FAM83G: variants seen among roughly 807,000 people sequenced by gnomAD.
FAM83G encodes scaffolding CK1 anchoring protein G, also known as protein FAM83G.
Under a neutral mutation model 61.5 loss-of-function variants are expected in FAM83G, and 38 were observed. That is an observed-to-expected ratio of 0.62 (90% CI 0.48 to 0.81). FAM83G has a LOEUF of 0.81. Ranked by LOEUF, FAM83G falls within the 30% of genes least tolerant of loss-of-function variation. The probability of loss-of-function intolerance (pLI) is 0.00; values close to 1 mark genes in which losing one functional copy is unlikely to be tolerated. For missense variants in FAM83G, 989 were observed against 1,133.6 expected (o/e 0.87, Z 1.83); for synonymous variants, 470 against 476.1 (o/e 0.99, Z 0.17).
rs144934843 is a variant in FAM83G at position 19,000,066 on chromosome 17, G to A, written c.522+3454C>T. On this transcript the variant is annotated intron_variant, in intron 2 of 5. Coordinates refer to ENST00000388995, the MANE Select transcript of FAM83G (RefSeq NM_001039999.3). This position sits in a 1 kb window ranked among gnomAD's most constrained non-coding sequence, Gnocchi z 5.2. ...TCTCAGGCTGCAGCCAAGTGAGGCC[G>A]GGGCTCGCCCCTCCCAGGCGTGATC... Among the ~76,000 whole-genome samples the A allele has an allele frequency of 2.1e-3, 327 of 152,356 alleles. 2 individuals are homozygous for A. Among genetic ancestry groups the A allele is most frequent in the African/African-American group, 7.4e-3 (306 of 41,592 alleles).
At position 18,995,039 on chromosome 17, in the gene FAM83G, A is replaced by G. The variant is rs1416439984; in HGVS notation, c.523-6625T>C. Among the ~76,000 whole-genome samples, 2 of 152,220 alleles carry G rather than the reference A, an allele frequency of 1.3e-5. 1 individual carries two copies. The highest frequency in any genetic ancestry group is 3.8e-4 in the East Asian group (2 of 5,204). ...AAGTAACCTAACTGCATCCCAGAAC[A>G]AGGCTCCAAAATATTTAAAGGAGAA... On this transcript the variant is annotated intron_variant, in intron 2 of 5. Transcript: ENST00000388995.
chr17:18,977,210 C>G (rs960544903), intron 5 of FAM83G: 38 of 642,240 alleles, frequency 5.9e-5, no homozygotes, highest in Non-Finnish European at 9.5e-5. Flanking sequence ...TGTGTGACCT[C>G]AAGGCTGTAA....
At chr17:18,986,074 C>T (rs2043262263) in intron 3 of FAM83G, 1 of 152,316 alleles carries the variant, frequency 6.6e-6, no homozygotes, top group Admixed American at 6.5e-5. Flanking sequence ...AACCACACAC[C>T]CAGGACCCAC....
At position 18,978,059 on chromosome 17, in the gene FAM83G, TG is replaced by T; in HGVS notation, c.1606del (p.Gln536ArgfsTer25). The part of the protein sequence containing the change: ...VLELPKEEAP[Q>X]NGTDHRLPRM... ...GGGTAGCCTATGGTCTGTCCCATTC[TG>T]GGGAGCTTCCTCTTTGGGGAGCTCC... On this transcript the variant is annotated frameshift_variant, in exon 5 of 6. Transcript: ENST00000388995. LOFTEE classifies it high-confidence loss of function. 1.3e-6 allele frequency: 2 copies of T among 1,519,454 alleles called. No homozygotes were observed. The allele number at this position is 1,519,454 out of a possible 1,614,324, so 94.1% of individuals were successfully genotyped here.
chr17:18,993,608 G>A (rs985812743), intron 2 of FAM83G, among the ~76,000 whole-genome samples: 1 of 152,166 alleles, frequency 6.6e-6, no homozygotes, highest in Admixed American at 6.5e-5. Context: ...CCAGAACCTG[G>A]AGCCCTGAAG....
chr17:19,002,938 A>T (rs991034473), intron 2 of FAM83G, among the ~76,000 whole-genome samples: 8 of 152,168 alleles, frequency 5.3e-5, no homozygotes, highest in African/African-American at 1.9e-4. Flanking sequence ...CCCTCACCCA[A>T]GCATCCTGGC....
Position 18,970,996 on chromosome 17 carries a change from CACCCTG to C in FAM83G, c.*357_*362del, listed in dbSNP as rs780620267. 2.0e-5 allele frequency: 32 copies of C among 1,613,294 alleles called. No individual in the cohort carries two copies. The highest frequency in any genetic ancestry group is 1.3e-4 in the Admixed American group (8 of 60,000). On this transcript the variant is annotated 3_prime_UTR_variant, in exon 6 of 6. Transcript: ENST00000388995. ...CGCAACCACCAAACTGTCCCTGTTC[CACCCTG>C]ACCCCTCCAGCTTTTGACCAGATCG...
intron 3 of FAM83G, among the ~76,000 whole-genome samples, chr17:18,981,442 C>T (rs558192803): frequency 3.3e-5 from 5 of 152,274 alleles, no homozygotes; most frequent in African/African-American, 1.2e-4. Flanking sequence ...GGAGGATTTA[C>T]AGCAAGAGCG....
intron 2 of FAM83G, among the ~76,000 whole-genome samples, chr17:18,999,440 G>A (rs1185601160): frequency 2.6e-5 from 4 of 152,216 alleles, no homozygotes; most frequent in Non-Finnish European, 4.4e-5. Flanking sequence ...TGGGGGTCTC[G>A]GCCCAGTCCC....
Position 18,988,833 on chromosome 17 carries a change from C to A in FAM83G, c.523-419G>T, listed in dbSNP as rs531197062. Among the ~76,000 whole-genome samples, 86 of 152,352 alleles carry A rather than the reference C, an allele frequency of 5.6e-4. 1 individual carries two copies. The South Asian group carries it at 0.013, about 22-fold the overall frequency. On this transcript the variant is annotated intron_variant, in intron 2 of 5. Coordinates refer to ENST00000388995, the MANE Select transcript of FAM83G (RefSeq NM_001039999.3). ...CTAAACCCAGATCTCTTCCTGTCAG[C>A]TGACAACATCTGTCCCCATAGCAGG...
At chr17:18,974,971 G>A (rs1661309010) in intron 5 of FAM83G, among the ~76,000 whole-genome samples, 1 of 152,194 alleles carries the variant, frequency 6.6e-6, no homozygotes, top group Non-Finnish European at 1.5e-5. Context: ...TATTCAGGGG[G>A]ACTGGCAGGC....
Position 18,988,166 on chromosome 17 carries a change from AGG to A in FAM83G, c.690+79_690+80del, listed in dbSNP as rs2043316419. On this transcript the variant is annotated intron_variant, in intron 3 of 5. Coordinates refer to ENST00000388995, the MANE Select transcript of FAM83G (RefSeq NM_001039999.3). ...CCTGGCACAGGACTCCGTCCAGAGC[AGG>A]CAGGTACTCGAAGTGTTTGTTGACA... The A allele has an allele frequency of 3.2e-6, 5 of 1,549,882 alleles. No homozygotes were observed. In the Admixed American group the frequency reaches 8.7e-5, roughly 27 times the overall value.
rs757584531 is a variant in FAM83G, at chr17:18,978,329, C to T, written c.1337G>A (p.Arg446His). The T allele has an allele frequency of 1.9e-5, 31 of 1,606,460 alleles. No homozygotes were observed. Among genetic ancestry groups the T allele is most frequent in the African/African-American group, 4.0e-5 (3 of 74,820 alleles). Residue 446 changes from arginine to histidine, a missense_variant, in exon 5 of 6, where the codon CGC becomes CAC. By Grantham distance (29) the Arg-to-His change is conservative (BLOSUM62 0). Coordinates refer to ENST00000388995, the MANE Select transcript of FAM83G (RefSeq NM_001039999.3). The part of the protein sequence containing the change: ...IWNPQPSQMN[R>H]IKIRDTSQAS... Reference sequence around the variant, plus strand: ...CTGGGAGGTGTCACGGATCTTGATGCGGTTCATCTGGCTGGGCTGGGGGTT... The same window carrying T: ...CTGGGAGGTGTCACGGATCTTGATGTGGTTCATCTGGCTGGGCTGGGGGTT...
intron 2 of FAM83G, among the ~76,000 whole-genome samples, chr17:18,994,850 A>G (rs1320324513): frequency 6.6e-6 from 1 of 152,208 alleles, no homozygotes; most frequent in African/African-American, 2.4e-5. Context: ...GCAGCCAAAC[A>G]AAGTATATAA....
chr17:18,998,882 C>T (rs542208093), intron 2 of FAM83G, among the ~76,000 whole-genome samples: 94 of 152,326 alleles, frequency 6.2e-4, no homozygotes, highest in Admixed American at 9.8e-4. Context: ...AATGAGTGGC[C>T]TTCCTCCTGG....
In FAM83G at chr17:18,996,220, A is replaced by T. The variant is rs543417735; in HGVS notation, c.522+7300T>A. ...AGGCAAACTAAAGACTTTTTCAAAT[A>T]TAAAAAAGCTGAGAGAATTCATTAC... is the stretch of plus-strand genomic sequence containing the variant. On this transcript the variant is annotated intron_variant, in intron 2 of 5. Transcript: ENST00000388995. This position sits in a 1 kb window ranked among gnomAD's most constrained non-coding sequence, Gnocchi z 4.4. 6.6e-6 allele frequency among the ~76,000 whole-genome samples: 1 copy of T among 151,492 alleles called. No homozygotes were observed. Among genetic ancestry groups the T allele is most frequent in the Non-Finnish European group, 1.5e-5 (1 of 68,028 alleles).
Position 19,004,120 on chromosome 17 carries a change from G to A in FAM83G, c.-79C>T, listed in dbSNP as rs963763635. 3.4e-5 allele frequency: 48 copies of A among 1,413,140 alleles called. No individual in the cohort carries two copies. The African/African-American group carries it at 6.5e-4, about 19-fold the overall frequency. The allele number at this position is 1,413,140 out of a possible 1,614,324, so 87.5% of individuals were successfully genotyped here. On this transcript the variant is annotated 5_prime_UTR_variant, in exon 2 of 6. Transcript: ENST00000388995. This position sits in a 1 kb window ranked among gnomAD's most constrained non-coding sequence, Gnocchi z 5.4. The stretch of plus-strand genomic sequence containing the variant: ...CTAGCTCCGGCCCAGCTGGGGCACC[G>A]CGCGCTCGGGGGCCTCTCCGCGGCC...
intron 2 of FAM83G, among the ~76,000 whole-genome samples, chr17:18,989,075 A>G (rs1319656841): frequency 6.6e-6 from 1 of 152,206 alleles, no homozygotes; most frequent in Non-Finnish European, 1.5e-5. Flanking sequence ...GTCCCTTGGC[A>G]GCAAGGGGAG....
chr17:18,979,703 A>C, intron 3 of FAM83G, 30 bp from the exon 4 acceptor site: 1 of 1,611,828 alleles, frequency 6.2e-7, no homozygotes, highest in Non-Finnish European at 8.5e-7. Flanking sequence ...ACAGAATTAC[A>C]CGACTGCAAC....
Sources: allele counts gnomAD v4.1 joint callset (sites outside exome capture counted in the v4.1 genomes callset), GRCh38; gene constraint gnomAD v4.1.1; non-coding constraint Gnocchi (gnomAD v3.1); transcripts MANE v1.5; gene names NCBI Gene and HGNC (gene_info 2026-07-23, HGNC 2026-07-21).